TACR1: variants seen among roughly 807,000 people sequenced by gnomAD.
TACR1 encodes substance-P receptor.
In TACR1, 25 loss-of-function variants were observed where a neutral mutation model predicts 35.8. The observed-to-expected ratio is 0.70, with a 90% CI of 0.51 to 0.98. The LOEUF (loss-of-function observed/expected upper bound fraction) is 0.98. Among genes scored for constraint, TACR1 ranks in the 50% least tolerant of loss-of-function variants. The pLI, the probability that TACR1 is intolerant of heterozygous loss-of-function variation, is 0.00. For synonymous variants in TACR1, 195 were observed against 206.7 expected, an observed-to-expected ratio of 0.94 and a Z score of 0.48; for missense variants, 478 against 522.9, an observed-to-expected ratio of 0.91 and a Z score of 0.84.
At chr2:75,058,994 G>A (rs1356075747) in intron 2 of TACR1, among the ~76,000 whole-genome samples, 1 of 152,202 alleles carries the variant, frequency 6.6e-6, no homozygotes, top group African/African-American at 2.4e-5. Context: ...GGGGAAGAAG[G>A]CAGCCAAGAG....
At position 75,144,105 on chromosome 2, in the gene TACR1, G is replaced by A. The variant is rs79033775; in HGVS notation, c.390-23337C>T. Among the ~76,000 whole-genome samples the A allele has an allele frequency of 5.9e-5, 9 of 152,278 alleles. No individual in the cohort carries two copies. In the East Asian group the frequency reaches 1.7e-3, roughly 29 times the overall value. On this transcript the variant is annotated intron_variant, in intron 1 of 4. Transcript: ENST00000305249. Reference sequence around the variant, plus strand: ...TGGGGAACTTTAACTTGGCACAAATGTTCCTAACTTTCAGCCGTAGGGTCC... The same window carrying A: ...TGGGGAACTTTAACTTGGCACAAATATTCCTAACTTTCAGCCGTAGGGTCC...
chr2:75,068,695 G>GTGC (rs1430561277), intron 2 of TACR1, among the ~76,000 whole-genome samples: 2 of 152,128 alleles, frequency 1.3e-5, no homozygotes, highest in African/African-American at 4.8e-5. Flanking sequence ...ACATTGCAGA[G>GTGC]TGCTTACAGA....
intron 2 of TACR1, among the ~76,000 whole-genome samples, chr2:75,110,815 A>C (rs1306894900): frequency 6.6e-6 from 1 of 151,980 alleles, no homozygotes; most frequent in Admixed American, 6.6e-5. Context: ...ATCTTACATA[A>C]TTGCTGTTAA....
At chr2:75,056,507 G>A (rs946246842) in intron 2 of TACR1, among the ~76,000 whole-genome samples, 7 of 152,168 alleles carry the variant, frequency 4.6e-5, no homozygotes, top group African/African-American at 1.7e-4. Flanking sequence ...TCCTTCCTGA[G>A]AAAACCCCAA....
Position 75,051,361 on chromosome 2 carries a change from G to T in TACR1, c.822C>A (p.Asn274Lys). ...FHIFFLLPYINPDLYLKKFIQ... is the reference protein window; with the variant it reads ...FHIFFLLPYIKPDLYLKKFIQ... Reference sequence around the variant, plus strand: ...TAAACTTCTTCAGGTAGAGATCTGGGTTGATGTAGGGCAGGAGGAAGAAGA... The same window carrying T: ...TAAACTTCTTCAGGTAGAGATCTGGTTTGATGTAGGGCAGGAGGAAGAAGA... The change falls in exon 4 of 5, where the codon AAC becomes AAA. Residue 274 changes from asparagine to lysine, a missense_variant. Transcript: ENST00000305249. The T allele has an allele frequency of 2.5e-6, 4 of 1,614,210 alleles. No individual in the cohort carries two copies. The highest frequency in any genetic ancestry group is 3.4e-6 in the Non-Finnish European group (4 of 1,180,032).
At chr2:75,103,995 A>C (rs1257562267) in intron 2 of TACR1, among the ~76,000 whole-genome samples, 2 of 152,272 alleles carry the variant, frequency 1.3e-5, no homozygotes, top group East Asian at 1.9e-4. Context: ...GGAAGAAAGC[A>C]ACAAAGAATC....
At chr2:75,165,630 G>C (rs1257554686) in intron 1 of TACR1, among the ~76,000 whole-genome samples, 1 of 152,056 alleles carries the variant, frequency 6.6e-6, no homozygotes, top group South Asian at 2.1e-4. Context: ...CTTCAGGTCA[G>C]AGCATTGGGC....
intron 1 of TACR1, among the ~76,000 whole-genome samples, chr2:75,149,793 A>G (rs558357149): frequency 4.6e-4 from 70 of 152,228 alleles, no homozygotes; most frequent in African/African-American, 1.7e-3. Flanking sequence ...AGGAGTGGTG[A>G]GAGAGGGCAT....
At chr2:75,113,259 CATCT>C (rs2103892042) in intron 2 of TACR1, among the ~76,000 whole-genome samples, 1 of 152,260 alleles carries the variant, frequency 6.6e-6, no homozygotes, top group African/African-American at 2.4e-5. Context: ...TCTCTTTCTC[CATCT>C]GAGGACAGCT....
chr2:75,103,136 T>C (rs1673571949), intron 2 of TACR1, among the ~76,000 whole-genome samples: 1 of 152,174 alleles, frequency 6.6e-6, no homozygotes, highest in Non-Finnish European at 1.5e-5. Flanking sequence ...TTGACAGTGT[T>C]TGTTAAGTTG....
intron 2 of TACR1, among the ~76,000 whole-genome samples, chr2:75,094,859 A>ATATATATATATATATTTTTTT: frequency 1.8e-5 from 2 of 113,106 alleles, no homozygotes; most frequent in African/African-American, 4.8e-5. Flanking sequence ...ATATATATAT[A>ATATATATATATATATTTTTTT]TTTTTTTTTT....
At chr2:75,091,372 T>G (rs1673309426) in intron 2 of TACR1, among the ~76,000 whole-genome samples, 1 of 152,106 alleles carries the variant, frequency 6.6e-6, no homozygotes. Context: ...TTTCACATTC[T>G]AGGAGATTAC....
chr2:75,097,640 T>C (rs1343991897), intron 2 of TACR1, among the ~76,000 whole-genome samples: 2 of 152,178 alleles, frequency 1.3e-5, no homozygotes, highest in Admixed American at 1.3e-4. Context: ...CTATTCTCAG[T>C]CTTGGGGTGA....
chr2:75,080,285 G>A (rs1218921709), intron 2 of TACR1, among the ~76,000 whole-genome samples: 2 of 152,082 alleles, frequency 1.3e-5, no homozygotes, highest in Non-Finnish European at 2.9e-5. Flanking sequence ...GAAAAAGGTT[G>A]GCTCTTCAAG....
At chr2:75,166,899 C>A (rs955308175) in intron 1 of TACR1, among the ~76,000 whole-genome samples, 2 of 152,106 alleles carry the variant, frequency 1.3e-5, no homozygotes, top group Admixed American at 6.5e-5. Flanking sequence ...TTATAGATGC[C>A]TTAGTGTTCT....
At chr2:75,085,138 C>G (rs913615752) in intron 2 of TACR1, among the ~76,000 whole-genome samples, 1 of 152,124 alleles carries the variant, frequency 6.6e-6, no homozygotes, top group African/African-American at 2.4e-5. Context: ...TCTTTGTTCT[C>G]GTTGGGAGAA....
At chr2:75,184,093 A>T (rs1201876753) in intron 1 of TACR1, among the ~76,000 whole-genome samples, 4 of 152,198 alleles carry the variant, frequency 2.6e-5, no homozygotes, top group Non-Finnish European at 5.9e-5. Context: ...GGATGCAAAA[A>T]CGTAAATGAA....
chr2:75,069,231 A>C (rs11684482), intron 2 of TACR1, among the ~76,000 whole-genome samples: 37,427 of 151,926 alleles, frequency 0.25, 5,900 homozygotes, highest in African/African-American at 0.41. Context: ...AACATCTTTC[A>C]TCTATAAATT....
chr2:75,173,670 A>G (rs1426194353), intron 1 of TACR1, among the ~76,000 whole-genome samples: 1 of 152,222 alleles, frequency 6.6e-6, no homozygotes, highest in Non-Finnish European at 1.5e-5. Flanking sequence ...ACCTTCCTGC[A>G]GGAGTGAGCC....
Sources: allele counts gnomAD v4.1 joint callset (sites outside exome capture counted in the v4.1 genomes callset), GRCh38; gene constraint gnomAD v4.1.1; transcripts MANE v1.5; gene names NCBI Gene and HGNC (gene_info 2026-07-23, HGNC 2026-07-21).